The following CCDC102B variants were observed in gnomAD, a reference collection of about 807,000 sequenced individuals.
CCDC102B encodes the protein coiled-coil domain-containing protein 102B.
In CCDC102B, 75 loss-of-function variants were observed where a neutral mutation model predicts 57.4. The ratio of observed to expected loss-of-function variants is 1.31; its 90% confidence interval spans 1.08 to 1.58. The LOEUF (loss-of-function observed/expected upper bound fraction) is 1.58. CCDC102B is among the 40% of genes most tolerant of loss of function. CCDC102B has a pLI of 0.00. For missense variants in CCDC102B, 636 were observed against 582.6 expected (o/e 1.09, Z -0.94); for synonymous variants, 206 against 201.9 (o/e 1.02, Z -0.17).
chr18:68,793,914 G>A (rs772522852), upstream of CCDC102B, among the ~76,000 whole-genome samples: 76 of 152,184 alleles, frequency 5.0e-4, no homozygotes, highest in Admixed American at 5.9e-4. Context: ...TGTAACATTG[G>A]GTAAAGGTTG....
At chr18:68,815,483 C>G (rs1159301809) in intron 1 of CCDC102B, among the ~76,000 whole-genome samples, 1 of 152,122 alleles carries the variant, frequency 6.6e-6, no homozygotes, top group African/African-American at 2.4e-5. Context: ...AAATAAGATA[C>G]AAGTTCTTTG....
chr18:69,006,029 T>C (rs2051331145), intron 6 of CCDC102B, among the ~76,000 whole-genome samples: 1 of 152,084 alleles, frequency 6.6e-6, no homozygotes, highest in South Asian at 2.1e-4. Flanking sequence ...ATATATGACA[T>C]AGTAATTATG....
chr18:69,005,930 TAC>T (rs61595845), intron 6 of CCDC102B, among the ~76,000 whole-genome samples: 2,250 of 152,050 alleles, frequency 0.015, 46 homozygotes, highest in East Asian at 0.082. Context: ...AGATTAGATT[TAC>T]AGAGTTTTAC....
At chr18:68,718,303 G>T (rs566454664) in intron 2 of CCDC102B, among the ~76,000 whole-genome samples, 1 of 152,268 alleles carries the variant, frequency 6.6e-6, no homozygotes, top group African/African-American at 2.4e-5. Context: ...AAGATAAATT[G>T]TGCTGTAATC....
chr18:68,956,564 TATATA>T (rs1947923589), intron 6 of CCDC102B, among the ~76,000 whole-genome samples: 1 of 5,882 alleles, frequency 1.7e-4, no homozygotes, highest in South Asian at 5.5e-3. Context: ...TTATATATAT[TATATA>T]TTTTATATAT....
chr18:68,906,783 A>G (rs987504784), intron 6 of CCDC102B, among the ~76,000 whole-genome samples: 19 of 150,714 alleles, frequency 1.3e-4, no homozygotes, highest in African/African-American at 4.6e-4. Flanking sequence ...TGTTTATGTC[A>G]TATTTTCACT....
chr18:68,883,704 T>A (rs1036997599), intron 5 of CCDC102B, among the ~76,000 whole-genome samples: 1 of 152,176 alleles, frequency 6.6e-6, no homozygotes, highest in African/African-American at 2.4e-5. Flanking sequence ...ACATTGTGCA[T>A]AAAGAACAGG....
chr18:68,734,504 C>T (rs760136137), intron 2 of CCDC102B, among the ~76,000 whole-genome samples: 5 of 152,164 alleles, frequency 3.3e-5, no homozygotes, highest in African/African-American at 7.2e-5. Flanking sequence ...AAATTTTATG[C>T]GTCGTGTGTA....
At position 68,786,795 on chromosome 18, in the gene CCDC102B, T is replaced by C. The variant is rs1005959449; in HGVS notation, c.-66-36571T>C. The stretch of plus-strand genomic sequence containing the variant: ...CAAACAGGGACAATTTGACTTCCTC[T>C]TCTCCTAATTGAATACCCTTTATTT... On this transcript the variant is annotated intron_variant, in intron 2 of 3. Transcript: ENST00000578970. Among the ~76,000 whole-genome samples the C allele has an allele frequency of 9.2e-5, 14 of 151,784 alleles. No individual in the cohort carries two copies. In the East Asian group the frequency reaches 2.5e-3, roughly 27 times the overall value.
At chr18:68,827,262 T>A (rs2036942932) in intron 1 of CCDC102B, among the ~76,000 whole-genome samples, 1 of 152,134 alleles carries the variant, frequency 6.6e-6, no homozygotes, top group Admixed American at 6.5e-5. Context: ...AATATGAATC[T>A]ATAAGATAGA....
At chr18:68,909,887 G>A (rs1241882086) in intron 6 of CCDC102B, among the ~76,000 whole-genome samples, 1 of 152,056 alleles carries the variant, frequency 6.6e-6, no homozygotes, top group Non-Finnish European at 1.5e-5. Flanking sequence ...TGTAATTTTT[G>A]TTTGTATTTT....
intron 2 of CCDC102B, among the ~76,000 whole-genome samples, chr18:68,785,545 C>G (rs1226327306): frequency 6.6e-6 from 1 of 151,420 alleles, no homozygotes; most frequent in Non-Finnish European, 1.5e-5. Flanking sequence ...TGGTATCTCA[C>G]TGTGGTTTTG....
intron 6 of CCDC102B, among the ~76,000 whole-genome samples, chr18:68,933,107 AAT>A (rs1285075961): frequency 2.0e-5 from 3 of 151,424 alleles, no homozygotes; most frequent in Admixed American, 1.3e-4. Flanking sequence ...TAAAAAAAAA[AAT>A]ATTAGGAAGA....
chr18:69,042,800 G>A (rs2052465114), intron 7 of CCDC102B, among the ~76,000 whole-genome samples: 1 of 152,062 alleles, frequency 6.6e-6, no homozygotes. Flanking sequence ...GATTTGAAAA[G>A]CATAGCTTGA....
At chr18:68,794,703 A>G (rs2035571050), upstream of CCDC102B, among the ~76,000 whole-genome samples, 1 of 152,110 alleles carries the variant, frequency 6.6e-6, no homozygotes, top group African/African-American at 2.4e-5. Flanking sequence ...TGATTGTTAT[A>G]TGATATGGAG....
At chr18:68,887,204 C>T (rs572051641) in intron 5 of CCDC102B, among the ~76,000 whole-genome samples, 1 of 152,120 alleles carries the variant, frequency 6.6e-6, no homozygotes, top group South Asian at 2.1e-4. Context: ...TCTTCCTTCT[C>T]CCGTCGATTT....
chr18:68,741,935 A>G (rs1196522255), intron 2 of CCDC102B, among the ~76,000 whole-genome samples: 1 of 152,130 alleles, frequency 6.6e-6, no homozygotes. Flanking sequence ...ATGGTTATCA[A>G]CTTTCCCAGG....
intron 6 of CCDC102B, among the ~76,000 whole-genome samples, chr18:68,966,908 G>A (rs1453638163): frequency 6.6e-6 from 1 of 152,054 alleles, no homozygotes; most frequent in African/African-American, 2.4e-5. Flanking sequence ...ATGCCCATAG[G>A]CTACTGCTTT....
At chr18:68,977,342 T>A (rs890325064) in intron 6 of CCDC102B, among the ~76,000 whole-genome samples, 2 of 152,016 alleles carry the variant, frequency 1.3e-5, no homozygotes, top group Non-Finnish European at 2.9e-5. Flanking sequence ...GGTATACACA[T>A]GCTATGGTGG....
Sources: allele counts gnomAD v4.1 joint callset (sites outside exome capture counted in the v4.1 genomes callset), GRCh38; gene constraint gnomAD v4.1.1; transcripts MANE v1.5; gene names NCBI Gene and HGNC (gene_info 2026-07-23, HGNC 2026-07-21).